Variants in KCTD8 observed in about 807,000 individuals in gnomAD.
The protein encoded by KCTD8 is potassium channel tetramerization domain containing 8, also known as BTB/POZ domain-containing protein KCTD8.
KCTD8 carries 27 observed loss-of-function variants against 31.5 expected under a neutral mutation model. That is an observed-to-expected ratio of 0.86 (90% CI 0.63 to 1.18). The LOEUF (loss-of-function observed/expected upper bound fraction) is 1.18. Ranked by LOEUF, KCTD8 falls within the 50% of genes most tolerant of loss-of-function variation. KCTD8 has a pLI of 0.00. For missense variants in KCTD8, 658 were observed against 647.7 expected (o/e 1.02, Z -0.17); for synonymous variants, 290 against 280.0 (o/e 1.04, Z -0.36).
chr4:44,232,542 A>G (rs17641572), intron 1 of KCTD8, among the ~76,000 whole-genome samples: 36,810 of 152,030 alleles, frequency 0.24, 4,547 homozygotes, highest in South Asian at 0.32. Flanking sequence ...AGCCTAAAGA[A>G]TGATGTGGGC....
At chr4:44,201,168 T>C (rs2109339212) in intron 1 of KCTD8, among the ~76,000 whole-genome samples, 1 of 151,994 alleles carries the variant, frequency 6.6e-6, no homozygotes, top group South Asian at 2.1e-4. Flanking sequence ...ATGACACAAA[T>C]AAATGGATAA....
intron 1 of KCTD8, among the ~76,000 whole-genome samples, chr4:44,405,013 T>C (rs1192268452): frequency 2.0e-5 from 3 of 152,188 alleles, no homozygotes; most frequent in African/African-American, 7.2e-5. Context: ...CAGTTCAAAA[T>C]AGATAACTGC....
At chr4:44,246,087 A>G (rs1715657669) in intron 1 of KCTD8, among the ~76,000 whole-genome samples, 1 of 152,098 alleles carries the variant, frequency 6.6e-6, no homozygotes, top group Non-Finnish European at 1.5e-5. Context: ...AGATTCCAAT[A>G]TGTAAAGATG....
intron 1 of KCTD8, among the ~76,000 whole-genome samples, chr4:44,332,435 C>T (rs1718611743): frequency 1.3e-5 from 2 of 152,004 alleles, no homozygotes; most frequent in South Asian, 4.1e-4. Flanking sequence ...TATATTAATC[C>T]TGCCTACAAA....
chr4:44,338,821 C>G (rs1377224808), intron 1 of KCTD8, among the ~76,000 whole-genome samples: 1 of 151,984 alleles, frequency 6.6e-6, no homozygotes, highest in African/African-American at 2.4e-5. Context: ...CTTTTTAGAA[C>G]AAGGAATTGG....
intron 1 of KCTD8, among the ~76,000 whole-genome samples, chr4:44,250,086 T>A (rs550942792): frequency 6.6e-6 from 1 of 151,916 alleles, no homozygotes; most frequent in African/African-American, 2.4e-5. Context: ...TCTAACAGCA[T>A]GGCTCTGGAC....
chr4:44,440,215 G>A (rs1259901635), intron 1 of KCTD8, among the ~76,000 whole-genome samples: 1 of 152,098 alleles, frequency 6.6e-6, no homozygotes, highest in Non-Finnish European at 1.5e-5. Context: ...TTACAGGCGT[G>A]AGCCACCGCA....
chr4:44,288,171 T>A (rs1462558526), intron 1 of KCTD8, among the ~76,000 whole-genome samples: 1 of 152,142 alleles, frequency 6.6e-6, no homozygotes, highest in Non-Finnish European at 1.5e-5. Flanking sequence ...TTTTTCTATA[T>A]AAAAGGCACT....
intron 1 of KCTD8, among the ~76,000 whole-genome samples, chr4:44,240,112 T>G (rs1423315024): frequency 6.6e-6 from 1 of 152,248 alleles, no homozygotes; most frequent in Admixed American, 6.5e-5. Context: ...AAGATTCACT[T>G]TGAAGCCTGT....
intron 1 of KCTD8, among the ~76,000 whole-genome samples, chr4:44,369,313 A>G (rs1719722247): frequency 6.6e-6 from 1 of 152,220 alleles, no homozygotes; most frequent in Admixed American, 6.5e-5. Context: ...TCTGCCTTCT[A>G]TATAGAAGAG....
intron 1 of KCTD8, among the ~76,000 whole-genome samples, chr4:44,331,324 G>A (rs1350648821): frequency 2.0e-5 from 3 of 151,730 alleles, no homozygotes; most frequent in Non-Finnish European, 4.4e-5. Flanking sequence ...GGCATACCCA[G>A]TGTTGAGAGC....
At chr4:44,335,880 G>T (rs1185335085) in intron 1 of KCTD8, among the ~76,000 whole-genome samples, 1 of 152,018 alleles carries the variant, frequency 6.6e-6, no homozygotes, top group Non-Finnish European at 1.5e-5. Context: ...GCCGGGCGCG[G>T]TGGCTCACGC....
chr4:44,241,975 G>C (rs1715516117), intron 1 of KCTD8, among the ~76,000 whole-genome samples: 2 of 152,210 alleles, frequency 1.3e-5, no homozygotes, highest in South Asian at 4.1e-4. Context: ...CTCCCCAAGG[G>C]GATGTTATTG....
chr4:44,231,917 C>T (rs148472317), intron 1 of KCTD8, among the ~76,000 whole-genome samples: 3 of 152,192 alleles, frequency 2.0e-5, no homozygotes, highest in East Asian at 3.9e-4. Flanking sequence ...CTCAAAAACT[C>T]GAGGACCAAA....
At position 44,310,008 on chromosome 4, in the gene KCTD8, A is replaced by G. The variant is rs149245882; in HGVS notation, c.962-134758T>C. ...TACCTAAGTCCTTGGAGAGATCCTT[A>G]AAAGAGAAAAACTGAAAAAAGAAAG... On this transcript the variant is annotated intron_variant, in intron 1 of 1. Transcript: ENST00000360029. Among the ~76,000 whole-genome samples, 453 of 152,254 alleles carry G rather than the reference A, an allele frequency of 3.0e-3. 1 individual carries two copies. Among genetic ancestry groups the G allele is most frequent in the African/African-American group, 0.01 (429 of 41,562 alleles).
intron 1 of KCTD8, among the ~76,000 whole-genome samples, chr4:44,379,825 C>T (rs1720014175): frequency 6.6e-6 from 1 of 152,004 alleles, no homozygotes; most frequent in African/African-American, 2.4e-5. Flanking sequence ...CCACATATAC[C>T]ATGGTAATCT....
At chr4:44,248,015 T>C (rs968388976) in intron 1 of KCTD8, among the ~76,000 whole-genome samples, 2 of 151,970 alleles carry the variant, frequency 1.3e-5, no homozygotes, top group South Asian at 2.1e-4. Flanking sequence ...CTTGCAGAGA[T>C]ACAATAGTTC....
At chr4:44,238,917 C>G (rs1048020763) in intron 1 of KCTD8, among the ~76,000 whole-genome samples, 1 of 151,996 alleles carries the variant, frequency 6.6e-6, no homozygotes, top group African/African-American at 2.4e-5. Flanking sequence ...ATCCAAAAGT[C>G]TTATAATAGT....
intron 1 of KCTD8, among the ~76,000 whole-genome samples, chr4:44,187,958 AACAC>A (rs143071896): frequency 0.13 from 19,418 of 144,494 alleles, 1,366 homozygotes; most frequent in East Asian, 0.25. Flanking sequence ...GGAAGAGGTA[AACAC>A]ACACACACAC....
Sources: allele counts gnomAD v4.1 joint callset (sites outside exome capture counted in the v4.1 genomes callset), GRCh38; gene constraint gnomAD v4.1.1; transcripts MANE v1.5; gene names NCBI Gene and HGNC (gene_info 2026-07-23, HGNC 2026-07-21).